NOS1AP: variants seen among roughly 807,000 people sequenced by gnomAD.
NOS1AP encodes the protein carboxyl-terminal PDZ ligand of neuronal nitric oxide synthase protein.
A neutral mutation model predicts 56.2 loss-of-function variants in NOS1AP; 21 were observed. The ratio of observed to expected loss-of-function variants is 0.37; its 90% CI spans 0.26 to 0.54. NOS1AP has a LOEUF of 0.54. Among genes scored for constraint, NOS1AP ranks in the 20% least tolerant of loss-of-function variants. The pLI is 0.84. For missense variants in NOS1AP, 522 were observed against 657.8 expected, an observed-to-expected ratio of 0.79 and a Z score of 2.26; for synonymous variants, 270 against 274.6, an observed-to-expected ratio of 0.98 and a Z score of 0.17.
chr1:162,365,858 C>T (rs1027010753), intron 9 of NOS1AP, among the ~76,000 whole-genome samples: 2 of 152,098 alleles, frequency 1.3e-5, no homozygotes, highest in African/African-American at 2.4e-5. Flanking sequence ...GGCTCAGGTA[C>T]TCTGTGTTCT....
At chr1:162,154,558 CA>C in intron 2 of NOS1AP, 82 bp downstream of exon 2, 3 of 1,314,108 alleles carry the variant, frequency 2.3e-6, no homozygotes, top group Non-Finnish European at 1.1e-6. Context: ...CTGGAGGGGC[CA>C]AAATGGATGG....
intron 8 of NOS1AP, chr1:162,365,202 C>G (rs1428373048): frequency 6.9e-7 from 1 of 1,448,038 alleles, no homozygotes; most frequent in South Asian, 1.5e-5. Flanking sequence ...CACACAGCTT[C>G]GCAGTGCCAG....
At chr1:162,149,732 T>C (rs1649630872) in intron 1 of NOS1AP, among the ~76,000 whole-genome samples, 1 of 152,232 alleles carries the variant, frequency 6.6e-6, no homozygotes, top group Admixed American at 6.5e-5. Context: ...TGGATGACCC[T>C]AAGGTGCAGC....
At chr1:162,235,814 A>G (rs1653272619) in intron 2 of NOS1AP, among the ~76,000 whole-genome samples, 1 of 152,240 alleles carries the variant, frequency 6.6e-6, no homozygotes, top group South Asian at 2.1e-4. Flanking sequence ...TGACATGAAT[A>G]TGTTTCATGC....
At chr1:162,162,583 CTG>C (rs1338507005) in intron 2 of NOS1AP, among the ~76,000 whole-genome samples, 2 of 152,196 alleles carry the variant, frequency 1.3e-5, no homozygotes, top group African/African-American at 2.4e-5. Context: ...CAGGTAGTCA[CTG>C]TATATTCCTG....
chr1:162,287,297 T>C, intron 2 of NOS1AP, 47 bp from the exon 3 acceptor site: 1 of 1,364,990 alleles, frequency 7.3e-7, no homozygotes. Flanking sequence ...ATAGATGCAC[T>C]GATCTCATCA....
In NOS1AP at chr1:162,136,271, C is replaced by A. The variant is rs550605446; in HGVS notation, c.106-18134C>A. Among the ~76,000 whole-genome samples, 8 of 151,986 alleles carry A rather than the reference C, an allele frequency of 5.3e-5. No homozygotes were observed. The South Asian group carries it at 1.0e-3, about 20-fold the overall frequency. ...GAAAACAGCTACTGAGATGGGGATT[C>A]TTTATTTATTTATTTATTTTTTAAT... On this transcript the variant is annotated intron_variant, in intron 1 of 9. Coordinates refer to ENST00000361897, the MANE Select transcript of NOS1AP (RefSeq NM_014697.3).
chr1:162,075,933 G>C (rs891942863), intron 1 of NOS1AP, among the ~76,000 whole-genome samples: 4 of 152,108 alleles, frequency 2.6e-5, no homozygotes, highest in African/African-American at 9.7e-5. Context: ...CACGTTAGCT[G>C]TACATTTCAT....
At chr1:162,160,033 C>T (rs1650135737) in intron 2 of NOS1AP, among the ~76,000 whole-genome samples, 1 of 152,122 alleles carries the variant, frequency 6.6e-6, no homozygotes, top group South Asian at 2.1e-4. Context: ...GGGATAGATC[C>T]CTGCAGTCGA....
At chr1:162,211,631 G>A (rs1041264993) in intron 2 of NOS1AP, among the ~76,000 whole-genome samples, 1 of 152,100 alleles carries the variant, frequency 6.6e-6, no homozygotes, top group African/African-American at 2.4e-5. Context: ...ACCCAGTGAG[G>A]CAGTGGGTTG....
At chr1:162,175,456 C>G (rs1273531012) in intron 2 of NOS1AP, among the ~76,000 whole-genome samples, 1 of 151,954 alleles carries the variant, frequency 6.6e-6, no homozygotes, top group Non-Finnish European at 1.5e-5. Flanking sequence ...CTCTTGTATC[C>G]CCTTGCCCCA....
intron 4 of NOS1AP, among the ~76,000 whole-genome samples, chr1:162,329,332 G>T (rs966406621): frequency 6.6e-6 from 1 of 151,366 alleles, no homozygotes; most frequent in Non-Finnish European, 1.5e-5. Flanking sequence ...GGCAGAGGTT[G>T]CAGTGAGCCA....
chr1:162,240,244 AGT>A (rs5778260), intron 2 of NOS1AP, among the ~76,000 whole-genome samples: 2,555 of 141,212 alleles, frequency 0.018, 38 homozygotes, highest in African/African-American at 0.038. Context: ...CTGTGTGGCC[AGT>A]GTGTGTGTGT....
At chr1:162,106,678 A>G (rs1309143274) in intron 1 of NOS1AP, among the ~76,000 whole-genome samples, 3 of 152,252 alleles carry the variant, frequency 2.0e-5, no homozygotes, top group African/African-American at 7.2e-5. Context: ...AATGTAGATT[A>G]CATCCAGATA....
chr1:162,086,459 G>A (rs1052219155), intron 1 of NOS1AP, among the ~76,000 whole-genome samples: 10 of 152,046 alleles, frequency 6.6e-5, no homozygotes, highest in African/African-American at 2.4e-4. Flanking sequence ...GCTTTCCCTG[G>A]CTGGTGAGAT....
chr1:162,290,129 G>C (rs761256137), intron 3 of NOS1AP, among the ~76,000 whole-genome samples: 2 of 152,092 alleles, frequency 1.3e-5, no homozygotes, highest in African/African-American at 4.8e-5. Context: ...TTGAAACTAC[G>C]TCCTGGGTAA....
At chr1:162,238,522 T>G (rs554808636) in intron 2 of NOS1AP, among the ~76,000 whole-genome samples, 1 of 152,274 alleles carries the variant, frequency 6.6e-6, no homozygotes, top group South Asian at 2.1e-4. Flanking sequence ...TTTTTTTCCC[T>G]CCATTAGGGC....
At chr1:162,183,736 C>T (rs529475961) in intron 2 of NOS1AP, among the ~76,000 whole-genome samples, 2 of 152,348 alleles carry the variant, frequency 1.3e-5, no homozygotes, top group Middle Eastern at 3.4e-3. Flanking sequence ...GCTTCGTTCC[C>T]TCTCTCAGCC....
chr1:162,261,514 G>GA lies in NOS1AP; in HGVS notation c.178-25829dup, dbSNP rs1654228345. On this transcript the variant is annotated intron_variant, in intron 2 of 9. Coordinates refer to ENST00000361897, the MANE Select transcript of NOS1AP (RefSeq NM_014697.3). ...AGAGAGAGAGAGAGAGAGAGAGAGA[G>GA]AGAGAGAGAGAGAGAGAGAGAGAGA... 9.9e-4 allele frequency among the ~76,000 whole-genome samples: 23 copies of GA among 23,324 alleles called. 6 individuals are homozygous for GA. The highest frequency in any genetic ancestry group is 2.9e-3 in the East Asian group (5 of 1,702). 15.3% of individuals were successfully genotyped at this position (23,324 alleles called of 152,430 possible).
Sources: allele counts gnomAD v4.1 joint callset (sites outside exome capture counted in the v4.1 genomes callset), GRCh38; gene constraint gnomAD v4.1.1; transcripts MANE v1.5; gene names NCBI Gene and HGNC (gene_info 2026-07-23, HGNC 2026-07-21).